AFAP1: variants seen among roughly 807,000 people sequenced by gnomAD.
The protein encoded by AFAP1 is actin filament associated protein 1.
In AFAP1, 75 loss-of-function variants were observed where a neutral mutation model predicts 93.9. That is an observed-to-expected ratio of 0.80 (90% CI 0.66 to 0.97). AFAP1 has a LOEUF of 0.97. Ranked by LOEUF, AFAP1 falls within the 50% of genes least tolerant of loss-of-function variation. The probability of loss-of-function intolerance (pLI) is 0.00; values close to 1 mark genes in which losing one functional copy is unlikely to be tolerated. For synonymous variants in AFAP1, 517 were observed against 430.7 expected, an observed-to-expected ratio of 1.20 and a Z score of -2.48; for missense variants, 1,201 against 1,050.8, an observed-to-expected ratio of 1.14 and a Z score of -1.98.
At chr4:7,798,010 C>T (rs1560164769) in intron 10 of AFAP1, among the ~76,000 whole-genome samples, 1 of 152,138 alleles carries the variant, frequency 6.6e-6, no homozygotes, top group African/African-American at 2.4e-5. Context: ...TGCAACTTTT[C>T]GGTAACTCTG....
At chr4:7,800,405 T>C (rs1718909443) in intron 10 of AFAP1, 37 bp downstream of exon 10, 1 of 1,604,092 alleles carries the variant, frequency 6.2e-7, no homozygotes, top group Admixed American at 1.7e-5. Flanking sequence ...ACCGCGTGTG[T>C]CCCTCTGTGG....
At chr4:7,873,727 G>A (rs915550755) in intron 1 of AFAP1, among the ~76,000 whole-genome samples, 2 of 152,096 alleles carry the variant, frequency 1.3e-5, no homozygotes, top group Non-Finnish European at 2.9e-5. Context: ...TACCACAGTC[G>A]TCTAGAGAAA....
chr4:7,833,947 TG>T (rs1353685856), intron 6 of AFAP1, among the ~76,000 whole-genome samples: 1 of 152,108 alleles, frequency 6.6e-6, no homozygotes, highest in African/African-American at 2.4e-5. Flanking sequence ...ATCCCACTAC[TG>T]GGTGTCTACC....
chr4:7,924,509 G>C (rs1720620161), intron 1 of AFAP1, among the ~76,000 whole-genome samples: 1 of 152,156 alleles, frequency 6.6e-6, no homozygotes, highest in African/African-American at 2.4e-5. Context: ...AAATCTTCAA[G>C]ATAAATGGCC....
At chr4:7,839,929 T>C (rs1221679296) in intron 5 of AFAP1, among the ~76,000 whole-genome samples, 2 of 152,302 alleles carry the variant, frequency 1.3e-5, no homozygotes, top group East Asian at 3.9e-4. Context: ...GCAGTTATTG[T>C]TATTATTATT....
intron 4 of AFAP1, among the ~76,000 whole-genome samples, chr4:7,844,282 A>AAGAGAG (rs146569362): frequency 5.0e-4 from 74 of 149,018 alleles, no homozygotes; most frequent in African/African-American, 1.6e-3. Context: ...GTCTTTTAAG[A>AAGAGAG]AGAGAGAGAG....
At chr4:7,889,254 G>A (rs925615269) in intron 1 of AFAP1, among the ~76,000 whole-genome samples, 2 of 152,010 alleles carry the variant, frequency 1.3e-5, no homozygotes, top group African/African-American at 4.8e-5. Context: ...ATACAGGGGG[G>A]TTGTTTTCTA....
intron 9 of AFAP1, among the ~76,000 whole-genome samples, chr4:7,808,336 G>A (rs1719710865): frequency 6.6e-6 from 1 of 152,152 alleles, no homozygotes; most frequent in Non-Finnish European, 1.5e-5. Flanking sequence ...CCGGCCCACT[G>A]AGGTTCCTAT....
intron 6 of AFAP1, among the ~76,000 whole-genome samples, chr4:7,819,892 C>T (rs966672391): frequency 1.6e-4 from 24 of 152,202 alleles, no homozygotes; most frequent in African/African-American, 5.3e-4. Context: ...GCTTCAGCTT[C>T]CTCATCTGAA....
intron 1 of AFAP1, among the ~76,000 whole-genome samples, chr4:7,924,056 T>C (rs150964453): frequency 1.6e-4 from 24 of 152,348 alleles, no homozygotes; most frequent in South Asian, 8.3e-4. Flanking sequence ...AAATGTCTGA[T>C]AGCAAGAGTC....
intron 1 of AFAP1, among the ~76,000 whole-genome samples, chr4:7,937,432 C>T (rs1252990320): frequency 6.6e-6 from 1 of 152,052 alleles, no homozygotes; most frequent in African/African-American, 2.4e-5. Flanking sequence ...AAAATGAAGC[C>T]CAGAAGAGAA....
At chr4:7,793,293 T>A (rs1408507257) in intron 11 of AFAP1, among the ~76,000 whole-genome samples, 1 of 152,132 alleles carries the variant, frequency 6.6e-6, no homozygotes, top group Non-Finnish European at 1.5e-5. Flanking sequence ...AATACAGGGG[T>A]CAGCAAACTA....
At chr4:7,841,883 G>T (rs368659994) in intron 5 of AFAP1, among the ~76,000 whole-genome samples, 58 of 146,530 alleles carry the variant, frequency 4.0e-4, no homozygotes, top group African/African-American at 1.3e-3. Context: ...AAGAAGTTAA[G>T]AAGTTAGGGG....
At chr4:7,867,926 A>G (rs937151342) in intron 3 of AFAP1, among the ~76,000 whole-genome samples, 3 of 152,182 alleles carry the variant, frequency 2.0e-5, no homozygotes, top group African/African-American at 7.2e-5. Context: ...AGATCATCAG[A>G]TGATTCACAC....
At chr4:7,905,703 A>G (rs1002752716) in intron 1 of AFAP1, among the ~76,000 whole-genome samples, 5 of 152,126 alleles carry the variant, frequency 3.3e-5, no homozygotes, top group African/African-American at 9.7e-5. Flanking sequence ...CAAGGGAAGC[A>G]CCCTAGGGAA....
chr4:7,811,883 T>G (rs992296501), intron 8 of AFAP1, among the ~76,000 whole-genome samples: 1 of 152,052 alleles, frequency 6.6e-6, no homozygotes, highest in Non-Finnish European at 1.5e-5. Flanking sequence ...TGTGTGACTT[T>G]AAACAAATCA....
intron 16 of AFAP1, among the ~76,000 whole-genome samples, chr4:7,770,216 GA>G (rs1288335633): frequency 6.6e-6 from 1 of 152,216 alleles, no homozygotes; most frequent in East Asian, 1.9e-4. Flanking sequence ...GGATACTTGG[GA>G]CAAAGGAGAA....
intron 1 of AFAP1, among the ~76,000 whole-genome samples, chr4:7,920,612 T>C (rs1050499316): frequency 6.6e-6 from 1 of 152,216 alleles, no homozygotes; most frequent in Non-Finnish European, 1.5e-5. Context: ...TATAATTAAC[T>C]AAACACAAAA....
intron 1 of AFAP1, among the ~76,000 whole-genome samples, chr4:7,896,621 C>T (rs1171562829): frequency 4.5e-5 from 2 of 44,408 alleles, no homozygotes; most frequent in Non-Finnish European, 1.0e-4. Context: ...TCAGTCCTCA[C>T]TCCCCACACA....
Sources: allele counts gnomAD v4.1 joint callset (sites outside exome capture counted in the v4.1 genomes callset), GRCh38; gene constraint gnomAD v4.1.1; transcripts MANE v1.5; gene names NCBI Gene and HGNC (gene_info 2026-07-23, HGNC 2026-07-21).